The following NDUFAF6 variants were observed in gnomAD, a reference collection of about 807,000 sequenced individuals.
NDUFAF6 encodes the protein NADH:ubiquinone oxidoreductase complex assembly factor 6, also known as NADH dehydrogenase (ubiquinone) complex I, assembly factor 6.
In NDUFAF6, 45 loss-of-function variants were observed where a neutral mutation model predicts 40.8. That is an observed-to-expected ratio of 1.10 (90% confidence interval 0.87 to 1.42). The LOEUF (loss-of-function observed/expected upper bound fraction) is 1.42, where lower values mean the gene tolerates loss of function less well. NDUFAF6 is among the 40% of genes most tolerant of loss of function. NDUFAF6 has a pLI of 0.00. For missense variants in NDUFAF6, 435 were observed against 418.5 expected (o/e 1.04, Z -0.34); for synonymous variants, 185 against 155.9 (o/e 1.19, Z -1.39).
intron 2 of NDUFAF6, among the ~76,000 whole-genome samples, chr8:94,952,087 C>G (rs540375878): frequency 2.8e-4 from 42 of 152,364 alleles, no homozygotes; most frequent in African/African-American, 9.9e-4. Flanking sequence ...CCCCATCTGT[C>G]AGAGTTCTCC....
intron 1 of NDUFAF6, among the ~76,000 whole-genome samples, chr8:94,909,553 G>A (rs1410293996): frequency 6.6e-6 from 1 of 151,500 alleles, no homozygotes; most frequent in Non-Finnish European, 1.5e-5. Context: ...TTGAACCTAG[G>A]AGGCTGAGGT....
intron 1 of NDUFAF6, among the ~76,000 whole-genome samples, chr8:94,979,382 C>T (rs1340767645): frequency 6.6e-6 from 1 of 152,120 alleles, no homozygotes; most frequent in Admixed American, 6.5e-5. Context: ...GGAATGCTGC[C>T]CAGCCTTTAA....
intron 4 of NDUFAF6, among the ~76,000 whole-genome samples, chr8:95,043,794 A>T (rs1830412692): frequency 6.6e-6 from 1 of 152,240 alleles, no homozygotes; most frequent in Non-Finnish European, 1.5e-5. Flanking sequence ...TGGGAATGTG[A>T]AATGGTGCAG....
chr8:94,981,262 G>T (rs1157049503), intron 2 of NDUFAF6, among the ~76,000 whole-genome samples: 1 of 152,190 alleles, frequency 6.6e-6, no homozygotes, highest in African/African-American at 2.4e-5. Flanking sequence ...GGTCTCTTTT[G>T]CTTGCCCGTC....
chr8:94,939,837 A>T, intron 1 of NDUFAF6: 1 of 1,596,820 alleles, frequency 6.3e-7, no homozygotes, highest in South Asian at 1.1e-5. Context: ...CTGCCTACAG[A>T]GAGTTAAATA....
At chr8:95,081,013 A>G (rs1173985833), downstream of NDUFAF6, among the ~76,000 whole-genome samples, 3 of 152,002 alleles carry the variant, frequency 2.0e-5, no homozygotes, top group African/African-American at 7.3e-5. Flanking sequence ...TTCTTCATGT[A>G]TCCTTTCTAC....
chr8:94,907,474 A>G (rs906399816), intron 1 of NDUFAF6, among the ~76,000 whole-genome samples: 1 of 152,248 alleles, frequency 6.6e-6, no homozygotes, highest in Non-Finnish European at 1.5e-5. Context: ...GAGCTCAATC[A>G]TACATTTGCA....
chr8:94,947,890 T>G (rs961565353), intron 2 of NDUFAF6, among the ~76,000 whole-genome samples: 2 of 152,246 alleles, frequency 1.3e-5, no homozygotes, highest in Non-Finnish European at 2.9e-5. Context: ...CAGTTCAGAA[T>G]TACACTGATT....
intron 9 of NDUFAF6, among the ~76,000 whole-genome samples, chr8:95,071,403 G>A (rs374458043): frequency 0.07 from 7,339 of 104,276 alleles, 1 homozygote; most frequent in Non-Finnish European, 0.074. Context: ...GTCTCCAAAA[G>A]AAAAAAAAAA....
intron 4 of NDUFAF6, 121 bp downstream of exon 4, chr8:95,041,747 A>G: frequency 1.2e-6 from 1 of 845,452 alleles, no homozygotes; most frequent in Non-Finnish European, 2.0e-6. Flanking sequence ...CTTTTAGAGA[A>G]TTATGCCATT....
chr8:95,037,281 G>A (rs1829614399), intron 3 of NDUFAF6, among the ~76,000 whole-genome samples: 1 of 152,042 alleles, frequency 6.6e-6, no homozygotes, highest in South Asian at 2.1e-4. Context: ...TTTTTACCTT[G>A]GTCTCCGATT....
At position 95,069,951 on chromosome 8, in the gene NDUFAF6, A is replaced by G. The variant is rs377352317; in HGVS notation, c.*512-5682A>G. Among the ~76,000 whole-genome samples, 778 of 149,964 alleles carry G rather than the reference A, an allele frequency of 5.2e-3. 7 individuals carry two copies. The highest frequency in any genetic ancestry group is 0.018 in the African/African-American group (731 of 39,518). The stretch of plus-strand genomic sequence containing the variant: ...CTGTCCAGCCACATACCAGATGCAT[A>G]GGCTGGGGCTGGGACAAGTTACTTG... On this transcript the variant is annotated intron_variant and NMD_transcript_variant, in intron 9 of 9. Coordinates refer to the NDUFAF6 transcript ENST00000520757.
intron 1 of NDUFAF6, among the ~76,000 whole-genome samples, chr8:94,898,270 T>C (rs1255157703): frequency 6.6e-6 from 1 of 152,228 alleles, no homozygotes; most frequent in Admixed American, 6.5e-5. Context: ...TTACCTAATA[T>C]CTTTTTATTG....
Position 95,058,679 on chromosome 8 carries a change from T to C in NDUFAF6, c.*742T>C, listed in dbSNP as rs989757039. 3.5e-5 allele frequency: 36 copies of C among 1,037,798 alleles called. 1 individual carries two copies. Among genetic ancestry groups the C allele is most frequent in the South Asian group, 9.2e-5 (2 of 21,722 alleles). The allele number at this position is 1,037,798 out of a possible 1,614,324, so 64.3% of individuals were successfully genotyped here. A position where few individuals can be genotyped will look rare whatever the true frequency, so the allele number is the denominator to read the frequency against. ...TATAAGTGATATGAACGGTATTGTA[T>C]TGAACATCCATTAAAGGGTTGCTAC... On this transcript the variant is annotated 3_prime_UTR_variant, in exon 9 of 9. Coordinates refer to ENST00000396124, the MANE Select transcript of NDUFAF6 (RefSeq NM_152416.4).
chr8:94,901,393 T>G (rs1011175830), intron 1 of NDUFAF6, among the ~76,000 whole-genome samples: 1 of 151,536 alleles, frequency 6.6e-6, no homozygotes, highest in Non-Finnish European at 1.5e-5. Context: ...TGGTGGAGAT[T>G]GGGAGAAGCA....
At position 95,035,578 on chromosome 8, in the gene NDUFAF6, T is replaced by A. The variant is rs974645347; in HGVS notation, c.420+2T>A. Reference sequence around the variant, plus strand: ...CCTGTGGCCATTGAACTATGGAAGGTAAAAAAAAAAAAATACCACTTTTAA... The same window carrying A: ...CCTGTGGCCATTGAACTATGGAAGGAAAAAAAAAAAAAATACCACTTTTAA... On this transcript the variant is annotated splice_donor_variant, in intron 3 of 8. Transcript: ENST00000396124. LOFTEE classifies it high-confidence loss of function. 6.3e-6 allele frequency: 9 copies of A among 1,432,584 alleles called. No homozygotes were observed. Among genetic ancestry groups the A allele is most frequent in the Admixed American group, 5.5e-5 (3 of 54,738 alleles). 88.7% of individuals were successfully genotyped at this position (1,432,584 alleles called of 1,614,324 possible).
At chr8:95,108,251 A>G (rs1809899539), downstream of NDUFAF6, among the ~76,000 whole-genome samples, 1 of 152,188 alleles carries the variant, frequency 6.6e-6, no homozygotes, top group African/African-American at 2.4e-5. Context: ...GGACTCAAAT[A>G]TTTTACACCC....
At chr8:94,983,691 C>A (rs535531360) in intron 2 of NDUFAF6, among the ~76,000 whole-genome samples, 2 of 152,274 alleles carry the variant, frequency 1.3e-5, no homozygotes, top group South Asian at 4.1e-4. Flanking sequence ...AATGAGAAAA[C>A]TGAGGCTTAT....
chr8:95,080,061 T>C (rs574889885), downstream of NDUFAF6, among the ~76,000 whole-genome samples: 1 of 87,348 alleles, frequency 1.1e-5, no homozygotes, highest in Admixed American at 1.2e-4. Flanking sequence ...TTTTTTGTAG[T>C]GTATTTTTGT....
Sources: allele counts gnomAD v4.1 joint callset (sites outside exome capture counted in the v4.1 genomes callset), GRCh38; gene constraint gnomAD v4.1.1; transcripts MANE v1.5; gene names NCBI Gene and HGNC (gene_info 2026-07-23, HGNC 2026-07-21).